The following PLCB1 variants were observed in gnomAD, a reference collection of about 807,000 sequenced individuals.
The protein encoded by PLCB1 is phospholipase C beta 1, also known as 1-phosphatidylinositol 4,5-bisphosphate phosphodiesterase beta-1.
A neutral mutation model predicts 161.8 loss-of-function variants in PLCB1; 46 were observed. The observed-to-expected ratio is 0.28, with a 90% CI of 0.22 to 0.36. The LOEUF (loss-of-function observed/expected upper bound fraction) is 0.36. Among genes scored for constraint, PLCB1 ranks in the 10% least tolerant of loss-of-function variants. PLCB1 has a pLI of 1.00. For missense variants in PLCB1, 1,016 were observed against 1,472.5 expected, an observed-to-expected ratio of 0.69 and a Z score of 5.07; for synonymous variants, 517 against 503.7, an observed-to-expected ratio of 1.03 and a Z score of -0.35.
intron 2 of PLCB1, among the ~76,000 whole-genome samples, chr20:8,352,415 C>T (rs938410660): frequency 2.6e-5 from 4 of 151,818 alleles, no homozygotes; most frequent in South Asian, 2.1e-4. Flanking sequence ...TTACTATGCA[C>T]GTATGAGGTA....
intron 2 of PLCB1, among the ~76,000 whole-genome samples, chr20:8,321,103 G>A (rs1030043252): frequency 2.6e-5 from 4 of 152,120 alleles, no homozygotes; most frequent in Non-Finnish European, 5.9e-5. Flanking sequence ...CTCATACTCT[G>A]TACTTCTGTG....
At chr20:8,476,898 T>C (rs1037386182) in intron 3 of PLCB1, among the ~76,000 whole-genome samples, 2 of 152,180 alleles carry the variant, frequency 1.3e-5, no homozygotes, top group African/African-American at 4.8e-5. Context: ...CCCCATCATA[T>C]AGGCCATTGA....
chr20:8,512,994 T>G (rs1343359853), intron 3 of PLCB1, among the ~76,000 whole-genome samples: 1 of 152,166 alleles, frequency 6.6e-6, no homozygotes, highest in Non-Finnish European at 1.5e-5. Context: ...ACTTCCTACC[T>G]CTACGAGTTC....
intron 9 of PLCB1, among the ~76,000 whole-genome samples, chr20:8,665,745 A>G (rs1465075454): frequency 2.4e-4 from 36 of 152,232 alleles, no homozygotes. Context: ...TACTAGGTAG[A>G]AGTTATAAAA....
intron 3 of PLCB1, among the ~76,000 whole-genome samples, chr20:8,375,522 C>G (rs2122360600): frequency 6.6e-6 from 1 of 151,998 alleles, no homozygotes; most frequent in Admixed American, 6.6e-5. Flanking sequence ...ATGTATGTGA[C>G]TGTATGTTCT....
chr20:8,235,628 T>C (rs1980277890), intron 2 of PLCB1, among the ~76,000 whole-genome samples: 1 of 152,082 alleles, frequency 6.6e-6, no homozygotes, highest in Non-Finnish European at 1.5e-5. Flanking sequence ...TCCCTATTAT[T>C]GAACACTGCT....
chr20:8,283,034 A>G (rs1317837253), intron 2 of PLCB1, among the ~76,000 whole-genome samples: 1 of 152,120 alleles, frequency 6.6e-6, no homozygotes, highest in African/African-American at 2.4e-5. Flanking sequence ...CTGTCCTCCA[A>G]CATTGCTTCC....
chr20:8,530,691 AC>A (rs1984778367), intron 3 of PLCB1, among the ~76,000 whole-genome samples: 2 of 152,208 alleles, frequency 1.3e-5, no homozygotes, highest in South Asian at 4.1e-4. Context: ...GCACTTTTCA[AC>A]TATTATATGT....
chr20:8,396,240 G>A (rs942390838), intron 3 of PLCB1, among the ~76,000 whole-genome samples: 2 of 152,132 alleles, frequency 1.3e-5, no homozygotes. Flanking sequence ...CTGTGTTGAT[G>A]GCATCTTTAC....
chr20:8,215,199 C>T (rs1484358058), intron 2 of PLCB1, among the ~76,000 whole-genome samples: 2 of 151,940 alleles, frequency 1.3e-5, no homozygotes, highest in African/African-American at 4.8e-5. Context: ...TCCCACCTTC[C>T]ACCACACTAT....
chr20:8,190,251 A>G (rs115128010), intron 2 of PLCB1, among the ~76,000 whole-genome samples: 3 of 152,104 alleles, frequency 2.0e-5, no homozygotes, highest in Non-Finnish European at 4.4e-5. Context: ...AAACCTGGTT[A>G]ATAATTAAGC....
chr20:8,178,868 T>C (rs1416390207), intron 2 of PLCB1, among the ~76,000 whole-genome samples: 6 of 152,204 alleles, frequency 3.9e-5, no homozygotes, highest in African/African-American at 7.2e-5. Flanking sequence ...CCAGTTATCC[T>C]AGCACCATTT....
At position 8,701,398 on chromosome 20, in the gene PLCB1, C is replaced by T. The variant is rs546598472; in HGVS notation, c.1167+3615C>T. On this transcript the variant is annotated intron_variant, in intron 11 of 31. Coordinates refer to ENST00000338037, the MANE Select transcript of PLCB1 (RefSeq NM_015192.4). ...TCTCATAGGTATCTGCCTGGTTCTT[C>T]CCTTGCCTCCTTGAAGCCTTCCTCA... 5.3e-5 allele frequency among the ~76,000 whole-genome samples: 8 copies of T among 152,274 alleles called. No individual in the cohort carries two copies. In the South Asian group the frequency reaches 1.0e-3, roughly 20 times the overall value.
chr20:8,468,208 A>T (rs1981903143), intron 3 of PLCB1, among the ~76,000 whole-genome samples: 1 of 152,186 alleles, frequency 6.6e-6, no homozygotes, highest in South Asian at 2.1e-4. Context: ...TAGAGGCTCT[A>T]TATGTTCTAT....
chr20:8,821,813 G>A (rs529518150), intron 31 of PLCB1, among the ~76,000 whole-genome samples: 61 of 151,930 alleles, frequency 4.0e-4, no homozygotes, highest in East Asian at 1.9e-4. Context: ...ACAGCCTGGC[G>A]CTGTATCCCT....
chr20:8,141,686 T>C (rs976068155), intron 1 of PLCB1, among the ~76,000 whole-genome samples: 1 of 150,650 alleles, frequency 6.6e-6, no homozygotes, highest in African/African-American at 2.4e-5. Flanking sequence ...ATATTCTACA[T>C]CAGTCAGTCA....
intron 3 of PLCB1, among the ~76,000 whole-genome samples, chr20:8,595,284 T>C (rs1419032544): frequency 2.2e-5 from 3 of 136,740 alleles, no homozygotes; most frequent in African/African-American, 8.2e-5. Flanking sequence ...CAGAGTGTGA[T>C]ATTCCGCTTC....
chr20:8,392,693 G>A (rs1987644817), intron 3 of PLCB1, among the ~76,000 whole-genome samples: 1 of 152,162 alleles, frequency 6.6e-6, no homozygotes. Context: ...TTGTGAGTAA[G>A]TTGGGTAGAG....
chr20:8,520,372 A>G (rs183178265), intron 3 of PLCB1, among the ~76,000 whole-genome samples: 7 of 152,318 alleles, frequency 4.6e-5, no homozygotes, highest in East Asian at 1.9e-4. Flanking sequence ...GTTTGGATAT[A>G]TCATAGAAAT....
Sources: gnomAD v4.1 joint callset for allele counts (sites outside exome capture counted in the v4.1 genomes callset) on GRCh38, gnomAD v4.1.1 for gene constraint, MANE v1.5 for transcripts, NCBI Gene and HGNC (gene_info 2026-07-23, HGNC 2026-07-21) for gene names.